LARGE1: variants seen among roughly 807,000 people sequenced by gnomAD.
LARGE1 encodes the protein xylosyl- and glucuronyltransferase LARGE1.
A neutral mutation model predicts 87.6 loss-of-function variants in LARGE1; 43 were observed. The observed-to-expected ratio is 0.49, with a 90% CI of 0.38 to 0.63. The LOEUF is 0.63. Ranked by LOEUF, LARGE1 falls within the 30% of genes least tolerant of loss-of-function variation. The probability of loss-of-function intolerance (pLI) is 0.00; values close to 1 mark genes in which losing one functional copy is unlikely to be tolerated. For synonymous variants in LARGE1, 434 were observed against 394.6 expected, an observed-to-expected ratio of 1.10 and a Z score of -1.18; for missense variants, 802 against 1,000.2, an observed-to-expected ratio of 0.80 and a Z score of 2.67.
At chr22:33,784,684 T>C (rs907889824) in intron 1 of LARGE1, among the ~76,000 whole-genome samples, 1 of 152,126 alleles carries the variant, frequency 6.6e-6, no homozygotes, top group Non-Finnish European at 1.5e-5. Context: ...CAGGTACTAA[T>C]ATGCACAAAA....
At chr22:33,069,159 G>A in the LARGE1 span, among the ~76,000 whole-genome samples, 1 of 152,070 alleles carries the variant, frequency 6.6e-6, no homozygotes, top group African/African-American at 2.4e-5. Flanking sequence ...TGCTTGCAGT[G>A]TGAGGGATGC....
chr22:33,501,079 G>A (rs1228141850), intron 6 of LARGE1, among the ~76,000 whole-genome samples: 1 of 152,140 alleles, frequency 6.6e-6, no homozygotes, highest in Non-Finnish European at 1.5e-5. Flanking sequence ...AATCAAAGAC[G>A]GAGGGTGGAG....
intron 6 of LARGE1, among the ~76,000 whole-genome samples, chr22:33,561,280 C>T (rs1028122606): frequency 3.3e-5 from 5 of 152,170 alleles, no homozygotes; most frequent in Middle Eastern, 3.2e-3. Flanking sequence ...CATTGAAGAA[C>T]CAGGGGCTGC....
chr22:33,130,053 G>A, the LARGE1 span, among the ~76,000 whole-genome samples: 15 of 152,072 alleles, frequency 9.9e-5, no homozygotes, highest in Non-Finnish European at 2.1e-4. Context: ...AGTGGCTCAC[G>A]CCTGTAATCC....
chr22:33,293,258 A>T (rs910570389), intron 12 of LARGE1, among the ~76,000 whole-genome samples: 19 of 152,252 alleles, frequency 1.2e-4, no homozygotes, highest in Admixed American at 1.2e-3. Context: ...ATAAATTATA[A>T]TAAATGCTTA....
the LARGE1 span, among the ~76,000 whole-genome samples, chr22:33,073,280 G>A: frequency 6.6e-6 from 1 of 152,180 alleles, no homozygotes; most frequent in African/African-American, 2.4e-5. Context: ...AAAGGGTCTT[G>A]CAGGTCCCAA....
intron 6 of LARGE1, among the ~76,000 whole-genome samples, chr22:33,494,415 C>T (rs1435253728): frequency 6.6e-6 from 1 of 152,174 alleles, no homozygotes; most frequent in Non-Finnish European, 1.5e-5. Flanking sequence ...TAAAATATAA[C>T]AAAGATTAAT....
intron 9 of LARGE1, among the ~76,000 whole-genome samples, chr22:33,369,283 T>G (rs1008207290): frequency 1.3e-5 from 2 of 152,218 alleles, no homozygotes; most frequent in Non-Finnish European, 1.5e-5. Context: ...ATTTATGGAA[T>G]TTTCTTTGCT....
At chr22:33,827,195 T>C (rs2062820890) in intron 1 of LARGE1, among the ~76,000 whole-genome samples, 1 of 148,214 alleles carries the variant, frequency 6.7e-6, no homozygotes, top group Admixed American at 6.7e-5. Flanking sequence ...ACCCCGTCTC[T>C]ATTAAAAATA....
chr22:33,557,729 C>T (rs918712119), intron 6 of LARGE1, among the ~76,000 whole-genome samples: 1 of 152,108 alleles, frequency 6.6e-6, no homozygotes, highest in Non-Finnish European at 1.5e-5. Context: ...CCATGCCTGG[C>T]TAATTTTTTA....
intron 2 of LARGE1, among the ~76,000 whole-genome samples, chr22:33,746,921 A>G (rs2084108891): frequency 6.6e-6 from 1 of 152,156 alleles, no homozygotes; most frequent in Non-Finnish European, 1.5e-5. Context: ...GGGCCAGAAG[A>G]GAGGCACTTG....
chr22:33,876,384 G>T (rs968941066), intron 1 of LARGE1, among the ~76,000 whole-genome samples: 6 of 151,998 alleles, frequency 3.9e-5, no homozygotes, highest in Non-Finnish European at 8.8e-5. Flanking sequence ...AGAGGGGGAG[G>T]TGCACTCGGG....
chr22:33,619,557 AAAAAAAAAAAAAAAG>A (rs984476536), intron 4 of LARGE1, among the ~76,000 whole-genome samples: 2 of 150,038 alleles, frequency 1.3e-5, no homozygotes, highest in Non-Finnish European at 3.0e-5. Flanking sequence ...TCTGTCTCAA[AAAAAAAAAAAAAAAG>A]AAAAAAAGAA....
chr22:33,772,873 A>G (rs561895424), intron 1 of LARGE1, among the ~76,000 whole-genome samples: 1 of 152,116 alleles, frequency 6.6e-6, no homozygotes, highest in African/African-American at 2.4e-5. Context: ...GAATGAATGA[A>G]TGAACGAATG....
intron 2 of LARGE1, among the ~76,000 whole-genome samples, chr22:33,661,747 T>A (rs1480993718): frequency 6.6e-6 from 1 of 152,038 alleles, no homozygotes; most frequent in African/African-American, 2.4e-5. Context: ...TTAGGGACTC[T>A]CATCAAAAAG....
At chr22:33,103,943 T>C in the LARGE1 span, among the ~76,000 whole-genome samples, 3 of 152,238 alleles carry the variant, frequency 2.0e-5, no homozygotes, top group African/African-American at 4.8e-5. Context: ...TCTGCCACCA[T>C]GTAAGAAGTG....
At chr22:33,252,248 C>T in intron 11 of LARGE1, among the ~76,000 whole-genome samples, 2 of 72,508 alleles carry the variant, frequency 2.8e-5, no homozygotes, top group East Asian at 5.1e-4. Context: ...ATAATTCCTT[C>T]ATTCCCCCCC....
At chr22:33,694,391 C>T (rs1309217806) in intron 2 of LARGE1, among the ~76,000 whole-genome samples, 1 of 152,206 alleles carries the variant, frequency 6.6e-6, no homozygotes, top group Non-Finnish European at 1.5e-5. Context: ...GTCACACCTG[C>T]CTCTAGTGAA....
chr22:33,821,411 T>TA (rs954863681), intron 1 of LARGE1, among the ~76,000 whole-genome samples: 2 of 152,258 alleles, frequency 1.3e-5, no homozygotes, highest in Non-Finnish European at 2.9e-5. Context: ...CCTGAAATGA[T>TA]AAACTCCTAG....
Sources: allele counts gnomAD v4.1 joint callset (sites outside exome capture counted in the v4.1 genomes callset), GRCh38; gene constraint gnomAD v4.1.1; transcripts MANE v1.5; gene names NCBI Gene and HGNC (gene_info 2026-07-23, HGNC 2026-07-21).